Variants in CHEK1 observed in about 807,000 individuals in gnomAD.
CHEK1 encodes the protein serine/threonine-protein kinase Chk1.
In CHEK1, 32 loss-of-function variants were observed where a neutral mutation model predicts 60.2. The ratio of observed to expected loss-of-function variants is 0.53; its 90% confidence interval spans 0.40 to 0.71. The LOEUF is 0.71. CHEK1 is among the 30% of genes least tolerant of loss of function. The probability of loss-of-function intolerance (pLI) is 0.00; values close to 1 mark genes in which losing one functional copy is unlikely to be tolerated. For missense variants in CHEK1, 399 were observed against 564.6 expected (o/e 0.71, Z 2.97); for synonymous variants, 179 against 187.2 (o/e 0.96, Z 0.36).
Position 125,625,479 on chromosome 11 carries a change from G to A in CHEK1, c.-554G>A, listed in dbSNP as rs139443875. On this transcript the variant is annotated 5_prime_UTR_variant, in exon 1 of 13. Coordinates refer to ENST00000438015, the MANE Select transcript of CHEK1 (RefSeq NM_001114122.3). Reference sequence around the variant, plus strand: ...AGCTGCTGCTGGTTTCTCGGCTCCAGCACCACGAGTACCGCACTCTGAGGT... The same window carrying A: ...AGCTGCTGCTGGTTTCTCGGCTCCAACACCACGAGTACCGCACTCTGAGGT... 1 of 370,322 alleles carries A rather than the reference G, an allele frequency of 2.7e-6. No homozygotes were observed. 22.9% of individuals were successfully genotyped at this position (370,322 alleles called of 1,614,324 possible).
intron 13 of CHEK1, chr11:125,672,663 T>C: frequency 6.2e-7 from 1 of 1,613,986 alleles, no homozygotes; most frequent in Admixed American, 1.7e-5. Flanking sequence ...GGAGAAGAGG[T>C]TCATAGATGG....
At chr11:125,643,150 G>A (rs1941366047) in intron 8 of CHEK1, 1 of 151,924 alleles carries the variant, frequency 6.6e-6, no homozygotes, top group South Asian at 2.1e-4. Flanking sequence ...TGTCTTCATA[G>A]AACATTGTTC....
intron 13 of CHEK1, among the ~76,000 whole-genome samples, chr11:125,673,565 C>T (rs556174451): frequency 6.6e-6 from 1 of 152,196 alleles, no homozygotes; most frequent in African/African-American, 2.4e-5. Flanking sequence ...CTCATCTACT[C>T]CTCTGGATCC....
At position 125,637,491 on chromosome 11, in the gene CHEK1, T is replaced by C. The variant is rs1302103336; in HGVS notation, c.761T>C (p.Ile254Thr). The C allele has an allele frequency of 5.0e-6, 8 of 1,609,916 alleles. No homozygotes were observed. The highest frequency in any genetic ancestry group is 6.8e-6 in the Non-Finnish European group (8 of 1,177,924). Residue 254 changes from isoleucine to threonine, a missense_variant, in exon 8 of 13, where the codon ATT becomes ACT. Ile to Thr is a moderately conservative substitution (Grantham distance 89). Transcript: ENST00000438015. ...KILVENPSAR[I>T]TIPDIKKDRW... is the part of the protein sequence containing the mutation. ...TTAGTTGAGAATCCATCAGCAAGAATTACCATTCCAGACATCAAAAAAGAT... is the reference window on the plus strand; with the variant it reads ...TTAGTTGAGAATCCATCAGCAAGAACTACCATTCCAGACATCAAAAAAGAT...
At position 125,627,669 on chromosome 11, in the gene CHEK1, A is replaced by C; in HGVS notation, c.128A>C (p.Lys43Thr). Residue 43 changes from lysine to threonine, a missense_variant, in exon 3 of 13, where the codon AAG (lysine) becomes ACG (threonine). Around this residue, in one of 2 missense-constraint regions of CHEK1, gnomAD observed 370 missense variants for 494.8 expected, o/e 0.75. Coordinates refer to ENST00000438015, the MANE Select transcript of CHEK1 (RefSeq NM_001114122.3). The part of the protein sequence containing the change: ...EAVAVKIVDM[K>T]RAVDCPENIK... ...GTCGCAGTGAAGATTGTAGATATGA[A>C]GCGTGCCGTAGACTGTCCAGAAAAT... 6.2e-7 allele frequency: 1 copy of C among 1,613,986 alleles called. No individual in the cohort carries two copies.
downstream of CHEK1, chr11:125,676,295 C>A (rs144174102): frequency 6.3e-7 from 1 of 1,586,268 alleles, no homozygotes. Context: ...ATTCCAACTG[C>A]CCCCTACCAG....
intron 13 of CHEK1, among the ~76,000 whole-genome samples, chr11:125,668,273 T>G (rs1056333294): frequency 3.9e-5 from 6 of 152,312 alleles, no homozygotes; most frequent in Non-Finnish European, 7.4e-5. Flanking sequence ...GAATAGTTCC[T>G]CGATGTTTAT....
At chr11:125,634,741 C>A (rs1282949137) in intron 6 of CHEK1, among the ~76,000 whole-genome samples, 1 of 152,128 alleles carries the variant, frequency 6.6e-6, no homozygotes, top group Non-Finnish European at 1.5e-5. Flanking sequence ...AAAGGCCCCA[C>A]CTCCGAATGC....
intron 8 of CHEK1, chr11:125,643,497 AAAG>A: frequency 4.9e-6 from 1 of 205,452 alleles, no homozygotes; most frequent in African/African-American, 2.3e-5. Context: ...CGTCTCAAAA[AAAG>A]AAAAAAAAAA....
At chr11:125,628,894 T>G (rs952969997) in intron 3 of CHEK1, among the ~76,000 whole-genome samples, 1 of 152,202 alleles carries the variant, frequency 6.6e-6, no homozygotes, top group Non-Finnish European at 1.5e-5. Flanking sequence ...AGAAAAATAA[T>G]TAGCATAGCA....
Position 125,625,681 on chromosome 11 carries a change from C to A in CHEK1, c.-352C>A. ...GAGGCTTGGAGGCCTGGGCTTCCCCCAGCAGCGCTCGAGCACCGCCCAGTC... is the reference window on the plus strand; with the variant it reads ...GAGGCTTGGAGGCCTGGGCTTCCCCAAGCAGCGCTCGAGCACCGCCCAGTC... On this transcript the variant is annotated 5_prime_UTR_variant, in exon 1 of 13. Transcript: ENST00000438015. 1 of 621,964 alleles carries A rather than the reference C, an allele frequency of 1.6e-6. No individual in the cohort carries two copies. The highest frequency in any genetic ancestry group is 2.9e-6 in the Non-Finnish European group (1 of 341,670). The allele number at this position is 621,964 out of a possible 1,614,324, so 38.5% of individuals were successfully genotyped here. A position where few individuals can be genotyped will look rare whatever the true frequency, so the allele number is the denominator to read the frequency against.
chr11:125,663,145 A>C (rs914382908), intron 13 of CHEK1, among the ~76,000 whole-genome samples: 2 of 151,494 alleles, frequency 1.3e-5, no homozygotes, highest in African/African-American at 2.4e-5. Context: ...AAAAAAAAAA[A>C]CAAATATGTC....
At chr11:125,648,092 AAATGT>A (rs957171530) in intron 11 of CHEK1, among the ~76,000 whole-genome samples, 1 of 131,640 alleles carries the variant, frequency 7.6e-6, no homozygotes, top group African/African-American at 2.8e-5. Context: ...TTCCTAGGTT[AAATGT>A]AATCCTGTTT....
rs1469321396 is a variant in CHEK1 at position 125,625,829 on chromosome 11, G to A, written c.-204G>A. 1.4e-6 allele frequency: 1 copy of A among 702,610 alleles called. No individual in the cohort carries two copies. Among genetic ancestry groups the A allele is most frequent in the East Asian group, 2.7e-5 (1 of 37,284 alleles). 43.5% of individuals were successfully genotyped at this position (702,610 alleles called of 1,614,324 possible). ...CCGACTGCAAAGCAGCCCTGGGCGGGAGCGGCAACATCTCCACGTCACCCT... is the reference window on the plus strand; with the variant it reads ...CCGACTGCAAAGCAGCCCTGGGCGGAAGCGGCAACATCTCCACGTCACCCT... On this transcript the variant is annotated 5_prime_UTR_variant, in exon 1 of 13. Transcript: ENST00000438015.
At chr11:125,672,864 TG>T in intron 13 of CHEK1, 1 of 1,052,078 alleles carries the variant, frequency 9.5e-7, no homozygotes, top group Non-Finnish European at 1.3e-6. Context: ...TTGCTTCCTC[TG>T]GGAACTTGCC....
chr11:125,648,130 T>G (rs1392921196), intron 11 of CHEK1, among the ~76,000 whole-genome samples: 1 of 151,570 alleles, frequency 6.6e-6, no homozygotes. Context: ...TTTATCCTGA[T>G]GCTGATGTAA....
At chr11:125,654,540 T>C (rs759283516) in intron 12 of CHEK1, among the ~76,000 whole-genome samples, 4 of 152,208 alleles carry the variant, frequency 2.6e-5, no homozygotes, top group Non-Finnish European at 4.4e-5. Context: ...ATTCTGTGAT[T>C]GCTATTTTAT....
At chr11:125,679,464 C>T (rs569517568), downstream of CHEK1, among the ~76,000 whole-genome samples, 6 of 152,202 alleles carry the variant, frequency 3.9e-5, no homozygotes, top group Admixed American at 6.5e-5. Context: ...GTGATCCGCC[C>T]GCCTCAGCCT....
intron 2 of CHEK1, among the ~76,000 whole-genome samples, chr11:125,627,304 A>C (rs1327836826): frequency 6.6e-6 from 1 of 152,226 alleles, no homozygotes; most frequent in Admixed American, 6.5e-5. Context: ...TAATGCTCTT[A>C]AAAGTATATG....
Sources: gnomAD v4.1 joint callset for allele counts (sites outside exome capture counted in the v4.1 genomes callset) on GRCh38, gnomAD v4.1.1 for gene constraint, gnomAD v4.1.1 regional missense constraint, MANE v1.5 for transcripts, NCBI Gene and HGNC (gene_info 2026-07-23, HGNC 2026-07-21) for gene names.